TMEM232: variants seen among roughly 807,000 people sequenced by gnomAD.
TMEM232 encodes transmembrane protein 232.
TMEM232 carries 80 observed loss-of-function variants against 78.8 expected under a neutral mutation model. The ratio of observed to expected loss-of-function variants is 1.01; its 90% CI spans 0.85 to 1.22. TMEM232 has a LOEUF of 1.22. Ranked by LOEUF, TMEM232 falls within the 50% of genes most tolerant of loss-of-function variation. The pLI is 0.00. For missense variants in TMEM232, 881 were observed against 742.2 expected (o/e 1.19, Z -2.17); for synonymous variants, 297 against 254.3 (o/e 1.17, Z -1.60).
chr5:110,573,976 T>C (rs1359415624), intron 10 of TMEM232, among the ~76,000 whole-genome samples: 1 of 152,070 alleles, frequency 6.6e-6, no homozygotes, highest in Admixed American at 6.6e-5. Flanking sequence ...AGCCAATTTG[T>C]GGGCCATGGA....
chr5:110,707,831 A>G (rs532956364), intron 1 of TMEM232, among the ~76,000 whole-genome samples: 10 of 152,148 alleles, frequency 6.6e-5, no homozygotes, highest in Non-Finnish European at 1.0e-4. Context: ...CTCAGCCACA[A>G]TAGGTTAGGC....
At chr5:110,722,856 A>G (rs1358771314) in intron 1 of TMEM232, among the ~76,000 whole-genome samples, 2 of 152,204 alleles carry the variant, frequency 1.3e-5, no homozygotes, top group Non-Finnish European at 2.9e-5. Context: ...CAAATCCAGG[A>G]GCAGAAGTAG....
At chr5:110,685,337 G>A (rs1425006847) in intron 1 of TMEM232, among the ~76,000 whole-genome samples, 1 of 152,058 alleles carries the variant, frequency 6.6e-6, no homozygotes, top group Non-Finnish European at 1.5e-5. Flanking sequence ...AAGTGGAAGT[G>A]AAGAGAAGTT....
Position 110,424,881 on chromosome 5 carries a change from G to A in TMEM232, c.1739C>T (p.Pro580Leu). 1 of 1,549,932 alleles carries A rather than the reference G, an allele frequency of 6.5e-7. No individual in the cohort carries two copies. The highest frequency in any genetic ancestry group is 8.7e-7 in the Non-Finnish European group (1 of 1,146,042). ...TGCCTTGGTGAAGAAATCTGGATAT[G>A]GAAACATGGGAATTTCTGATACAGA... Reference protein sequence around the residue: ...HPSVSEIPMFPYPDFFTKADK... With the variant: ...HPSVSEIPMFLYPDFFTKADK... The change falls in exon 13 of 14, where the codon CCA becomes CTA. Residue 580 changes from proline (P) to leucine (L), a missense_variant. Transcript: ENST00000455884.
chr5:110,620,348 T>C (rs1394356314), intron 7 of TMEM232, among the ~76,000 whole-genome samples: 2 of 152,168 alleles, frequency 1.3e-5, no homozygotes, highest in East Asian at 3.8e-4. Flanking sequence ...ACAAAGCCAC[T>C]TGACAATTTG....
At chr5:110,507,375 G>A (rs927050293) in intron 12 of TMEM232, among the ~76,000 whole-genome samples, 1 of 152,136 alleles carries the variant, frequency 6.6e-6, no homozygotes, top group South Asian at 2.1e-4. Context: ...ATGTGATGAT[G>A]ATTGCTGCTG....
At chr5:110,627,229 G>T (rs1016312392) in intron 6 of TMEM232, among the ~76,000 whole-genome samples, 1 of 151,906 alleles carries the variant, frequency 6.6e-6, no homozygotes, top group Admixed American at 6.6e-5. Flanking sequence ...AGATTCAGTG[G>T]ATCACCAAGT....
At chr5:110,605,042 T>G in intron 10 of TMEM232, 67 bp downstream of exon 10, 3 of 1,399,068 alleles carry the variant, frequency 2.1e-6, no homozygotes, top group Non-Finnish European at 2.9e-6. Flanking sequence ...AGTAGAATGC[T>G]TATTACTATA....
intron 1 of TMEM232, among the ~76,000 whole-genome samples, chr5:110,689,967 C>G (rs1793909970): frequency 6.6e-6 from 1 of 152,156 alleles, no homozygotes; most frequent in African/African-American, 2.4e-5. Context: ...CTTCCTTACA[C>G]CTTATACAAA....
At chr5:110,595,168 G>A (rs1023227288) in intron 10 of TMEM232, among the ~76,000 whole-genome samples, 8 of 152,204 alleles carry the variant, frequency 5.3e-5, no homozygotes, top group South Asian at 4.1e-4. Context: ...TCCAGCAGAC[G>A]TGCAGAAGAG....
At chr5:110,673,020 A>C (rs1165862704) in intron 1 of TMEM232, among the ~76,000 whole-genome samples, 1 of 152,192 alleles carries the variant, frequency 6.6e-6, no homozygotes. Context: ...TTATTGCGGC[A>C]CTATTCACAA....
intron 12 of TMEM232, among the ~76,000 whole-genome samples, chr5:110,486,423 G>A (rs1764473529): frequency 1.3e-5 from 2 of 151,996 alleles, no homozygotes; most frequent in Admixed American, 1.3e-4. Flanking sequence ...TTTTTCCAGT[G>A]TTTTCTCCTA....
chr5:110,727,011 T>C (rs927108177), upstream of TMEM232, among the ~76,000 whole-genome samples: 2 of 152,148 alleles, frequency 1.3e-5, no homozygotes, highest in African/African-American at 4.8e-5. Context: ...GCTATGTCTT[T>C]AAATTAAATT....
At chr5:110,587,754 G>A (rs137923143) in intron 10 of TMEM232, among the ~76,000 whole-genome samples, 49 of 140,812 alleles carry the variant, frequency 3.5e-4, no homozygotes, top group African/African-American at 1.1e-3. Context: ...TTGTCAGGCT[G>A]TACAGTTTAA....
chr5:110,542,992 C>T (rs1370238314), intron 11 of TMEM232, among the ~76,000 whole-genome samples: 6 of 152,122 alleles, frequency 3.9e-5, no homozygotes, highest in Non-Finnish European at 5.9e-5. Flanking sequence ...GCCACTTGCT[C>T]AAGCCTGCTC....
chr5:110,475,445 ATT>A (rs61667699), intron 12 of TMEM232, among the ~76,000 whole-genome samples: 108 of 110,128 alleles, frequency 9.8e-4, no homozygotes, highest in African/African-American at 3.1e-3. Context: ...TTATACTTTG[ATT>A]TTTTTTTTTT....
intron 7 of TMEM232, among the ~76,000 whole-genome samples, chr5:110,620,460 C>G (rs1465263664): frequency 6.6e-6 from 1 of 152,090 alleles, no homozygotes; most frequent in Non-Finnish European, 1.5e-5. Context: ...TAGAGAGAAC[C>G]CTTACTTCCT....
chr5:110,723,723 A>G (rs1797882909), intron 1 of TMEM232, among the ~76,000 whole-genome samples: 1 of 152,178 alleles, frequency 6.6e-6, no homozygotes, highest in Admixed American at 6.6e-5. Context: ...TTTTGTTTGG[A>G]GCAGCAAAGT....
rs147929033 is a variant in TMEM232 at position 110,670,446 on chromosome 5, A to G, written c.-12-3082T>C. On this transcript the variant is annotated intron_variant, in intron 1 of 13. Transcript: ENST00000455884. The stretch of plus-strand genomic sequence containing the variant: ...ACAAGGGATGTGAAGGACCTCTTCA[A>G]TGAGAACTACAAACCACTGCTCAAC... 1.9e-3 allele frequency among the ~76,000 whole-genome samples: 293 copies of G among 152,320 alleles called. 2 individuals carry two copies. Among genetic ancestry groups the G allele is most frequent in the African/African-American group, 6.7e-3 (277 of 41,588 alleles).
Sources: allele counts gnomAD v4.1 joint callset (sites outside exome capture counted in the v4.1 genomes callset), GRCh38; gene constraint gnomAD v4.1.1; transcripts MANE v1.5; gene names NCBI Gene and HGNC (gene_info 2026-07-23, HGNC 2026-07-21).